The following ENTPD3 variants were observed in gnomAD, a reference collection of about 807,000 sequenced individuals.
The protein encoded by ENTPD3 is CD39 antigen-like 3.
Under a neutral mutation model 51.2 loss-of-function variants are expected in ENTPD3, and 60 were observed. The ratio of observed to expected loss-of-function variants is 1.17; its 90% CI spans 0.95 to 1.45. ENTPD3 has a LOEUF of 1.45. Ranked by LOEUF, ENTPD3 falls within the 40% of genes most tolerant of loss-of-function variation. The pLI, the probability that ENTPD3 is intolerant of heterozygous loss-of-function variation, is 0.00. For synonymous variants in ENTPD3, 221 were observed against 238.4 expected (o/e 0.93, Z 0.67); for missense variants, 593 against 641.1 (o/e 0.93, Z 0.81).
intron 4 of ENTPD3, among the ~76,000 whole-genome samples, chr3:40,404,892 G>C (rs1014362474): frequency 6.6e-6 from 1 of 152,120 alleles, no homozygotes; most frequent in Non-Finnish European, 1.5e-5. Context: ...TTTCTTTCTG[G>C]TTGGTATCAA....
In ENTPD3 at chr3:40,401,020, T is replaced by C; in HGVS notation, c.286+9T>C. ...CAAATGTAGTGTGAAAGGTAAGGACTGAAGTGTGTCTGGGAGTCACAATGG... is the reference window on the plus strand; with the variant it reads ...CAAATGTAGTGTGAAAGGTAAGGACCGAAGTGTGTCTGGGAGTCACAATGG... On this transcript the variant is annotated intron_variant, in intron 4 of 10. Transcript: ENST00000301825. The C allele has an allele frequency of 6.2e-7, 1 of 1,600,438 alleles. No individual in the cohort carries two copies.
At chr3:40,409,573 G>GT (rs951002728) in intron 4 of ENTPD3, among the ~76,000 whole-genome samples, 19 of 152,174 alleles carry the variant, frequency 1.2e-4, no homozygotes, top group African/African-American at 2.9e-4. Flanking sequence ...CAATGCTCAG[G>GT]TTTTTTTATT....
intron 2 of ENTPD3, 76 bp downstream of exon 2, chr3:40,388,173 T>C (rs1481883570): frequency 7.6e-7 from 1 of 1,321,414 alleles, no homozygotes; most frequent in Non-Finnish European, 1.1e-6. Context: ...CTACAGTTTT[T>C]CATCCATATC....
At chr3:40,395,196 C>T (rs1166947454) in intron 3 of ENTPD3, among the ~76,000 whole-genome samples, 1 of 152,202 alleles carries the variant, frequency 6.6e-6, no homozygotes, top group Non-Finnish European at 1.5e-5. Context: ...TGTCTCTAAT[C>T]CTACAAATGT....
chr3:40,416,595 T>C (rs1386332280), intron 7 of ENTPD3, among the ~76,000 whole-genome samples: 8 of 152,186 alleles, frequency 5.3e-5, no homozygotes. Flanking sequence ...TGATCAGTAA[T>C]TCATTTGATA....
intron 3 of ENTPD3, 37 bp downstream of exon 3, chr3:40,392,187 G>C (rs760317613): frequency 2.2e-5 from 35 of 1,602,332 alleles, no homozygotes; most frequent in South Asian, 1.7e-4. Flanking sequence ...GGGAAGAAAT[G>C]AGCATAAAGG....
intron 10 of ENTPD3, among the ~76,000 whole-genome samples, chr3:40,425,718 A>G (rs997277411): frequency 3.3e-5 from 5 of 151,922 alleles, no homozygotes; most frequent in African/African-American, 1.2e-4. Context: ...CCAACATGGC[A>G]AAACCATGTC....
intron 4 of ENTPD3, among the ~76,000 whole-genome samples, chr3:40,410,385 G>T (rs977791941): frequency 1.3e-5 from 2 of 148,598 alleles, no homozygotes; most frequent in African/African-American, 2.5e-5. Context: ...AGGTTGTAGT[G>T]AGCCGAGATC....
chr3:40,424,015 T>A lies in ENTPD3; in HGVS notation c.1353+52T>A, dbSNP rs759284819. On this transcript the variant is annotated intron_variant, in intron 10 of 10. Transcript: ENST00000301825. ...TTCTTCTTCCCAACAGAGAGGTTTG[T>A]ATGTGTGTGTGGAACAAATGTAGAA... 3 of 1,612,026 alleles carry A rather than the reference T, an allele frequency of 1.9e-6. No homozygotes were observed. The South Asian group carries it at 3.3e-5, about 18-fold the overall frequency.
chr3:40,400,932 A>C lies in ENTPD3; in HGVS notation c.207A>C (p.Thr69=). The C allele has an allele frequency of 6.2e-7, 1 of 1,613,836 alleles. No homozygotes were observed. Among genetic ancestry groups the C allele is most frequent in the South Asian group, 1.1e-5 (1 of 91,060 alleles). The change falls in exon 4 of 11, where the codon ACA becomes ACC. Residue 69 remains threonine, a synonymous_variant. Transcript: ENST00000301825. ...IVLDAGSSRT[T]VYVYQWPAEK... The stretch of plus-strand genomic sequence containing the variant: ...TGGATGCCGGGTCTTCAAGAACCAC[A>C]GTCTACGTGTATCAATGGCCAGCAG...
At chr3:40,394,369 A>C (rs1178927142) in intron 3 of ENTPD3, 1 of 295,376 alleles carries the variant, frequency 3.4e-6, no homozygotes, top group Non-Finnish European at 7.0e-6. Flanking sequence ...TGATCCACCC[A>C]CCTCAGCCTC....
At chr3:40,400,701 C>T (rs1338136332) in intron 3 of ENTPD3, among the ~76,000 whole-genome samples, 193 bp from the exon 4 acceptor site, 1 of 152,104 alleles carries the variant, frequency 6.6e-6, no homozygotes, top group Non-Finnish European at 1.5e-5. Context: ...CCTGCCCTAC[C>T]TTTCCTCATT....
chr3:40,389,087 C>A (rs1955002591), intron 2 of ENTPD3, among the ~76,000 whole-genome samples: 1 of 152,192 alleles, frequency 6.6e-6, no homozygotes, highest in Non-Finnish European at 1.5e-5. Context: ...ACTTGAGGAG[C>A]TGTTTTCCTT....
rs1559519082 is a variant in ENTPD3, at chr3:40,422,965, G to A, written c.947G>A (p.Ser316Asn). 2 of 1,614,118 alleles carry A rather than the reference G, an allele frequency of 1.2e-6. No individual in the cohort carries two copies. Among genetic ancestry groups the A allele is most frequent in the South Asian group, 1.1e-5 (1 of 91,070 alleles). The change falls in exon 8 of 11, where the codon AGT becomes AAT. Residue 316 changes from serine (S) to asparagine (N), a missense_variant. Physicochemically the swap from Ser to Asn is conservative, Grantham distance 46. Transcript: ENST00000301825. ...SLCTVDQRPE[S>N]YNPNDVITFE... ...TGCACTGTGGACCAGAGGCCAGAAA[G>A]TTATAACCCCAATGATGTCATCACT...
chr3:40,427,665 C>T lies in ENTPD3; in HGVS notation c.*157C>T, dbSNP rs1411538610. On this transcript the variant is annotated 3_prime_UTR_variant, in exon 11 of 11. Transcript: ENST00000301825. ...CAAATACTGATTTCTGCCACAGCAC[C>T]TCTTGAGGCATCCCTTGGCTATTCT... 2.4e-5 allele frequency: 15 copies of T among 627,044 alleles called. No homozygotes were observed. The South Asian group carries it at 2.7e-4, about 11-fold the overall frequency. The allele number at this position is 627,044 out of a possible 1,614,324, so 38.8% of individuals were successfully genotyped here.
In ENTPD3 at chr3:40,423,314, A is replaced by G. The variant is rs1955918151; in HGVS notation, c.1128A>G (p.Thr376=). 5.6e-6 allele frequency: 9 copies of G among 1,613,938 alleles called. No homozygotes were observed. In the Middle Eastern group the frequency reaches 1.3e-3, roughly 237 times the overall value. ...PFVAFAGFYY[T]ASALNLSGSF... is the part of the protein sequence containing the mutation. ...AGGCTTTTGCAGGATTCTACTACAC[A>G]GCCAGTGCTTTAAATCTTTCAGGTA... Residue 376 remains threonine (T), a synonymous_variant, in exon 9 of 11, where the codon ACA becomes ACG. Coordinates refer to ENST00000301825, the MANE Select transcript of ENTPD3 (RefSeq NM_001248.4).
At position 40,415,789 on chromosome 3, in the gene ENTPD3, C is replaced by G. The variant is rs140716056; in HGVS notation, c.598-51C>G. The G allele has an allele frequency of 3.1e-4, 456 of 1,487,190 alleles. No homozygotes were observed. The African/African-American group carries it at 5.1e-3, about 17-fold the overall frequency. The allele number at this position is 1,487,190 out of a possible 1,614,324, so 92.1% of individuals were successfully genotyped here. ...GCTTGGGTGGAGAACTCTGGGCAAA[C>G]AGAGATGGTGCCTTTGGCTTTCTTT... On this transcript the variant is annotated intron_variant, in intron 6 of 10. Transcript: ENST00000301825.
intron 4 of ENTPD3, among the ~76,000 whole-genome samples, chr3:40,405,371 G>C (rs1447637761): frequency 1.3e-5 from 2 of 152,164 alleles, no homozygotes; most frequent in South Asian, 2.1e-4. Flanking sequence ...CGGGCTTGGT[G>C]GTGGGCGCCT....
intron 1 of ENTPD3, 84 bp from the exon 2 acceptor site, chr3:40,387,961 GT>G: frequency 8.7e-7 from 1 of 1,152,236 alleles, no homozygotes; most frequent in Non-Finnish European, 1.3e-6. Context: ...AGTAAAATGG[GT>G]TTTGTCTTAA....
Sources: allele counts gnomAD v4.1 joint callset (sites outside exome capture counted in the v4.1 genomes callset), GRCh38; gene constraint gnomAD v4.1.1; transcripts MANE v1.5; gene names NCBI Gene and HGNC (gene_info 2026-07-23, HGNC 2026-07-21).